SMG1: variants seen among roughly 807,000 people sequenced by gnomAD.
The protein encoded by SMG1 is serine/threonine-protein kinase SMG1.
SMG1 carries 22 observed loss-of-function variants against 419.9 expected under a neutral mutation model. The ratio of observed to expected loss-of-function variants is 0.05; its 90% CI spans 0.04 to 0.07. The LOEUF (loss-of-function observed/expected upper bound fraction) is 0.07. Ranked by LOEUF, SMG1 falls within the 10% of genes least tolerant of loss-of-function variation. The pLI is 1.00. For missense variants in SMG1, 3,185 were observed against 4,342.0 expected (o/e 0.73, Z 7.49); for synonymous variants, 1,538 against 1,553.5 (o/e 0.99, Z 0.23).
intron 55 of SMG1, among the ~76,000 whole-genome samples, chr16:18,820,140 A>T (rs1348001213): frequency 6.6e-6 from 1 of 151,988 alleles, no homozygotes; most frequent in Non-Finnish European, 1.5e-5. Context: ...TAATTTTTGT[A>T]GTTTTAGTAA....
chr16:18,875,592 CAAA>C (rs34136187), intron 13 of SMG1: 15 of 127,506 alleles, frequency 1.2e-4, no homozygotes, highest in Non-Finnish European at 1.9e-4. Context: ...ACCCCATCTC[CAAA>C]AAAAAAAAAA....
chr16:18,830,011 C>T lies in SMG1; in HGVS notation c.9048G>A (p.Val3016=). The T allele has an allele frequency of 6.3e-7, 1 of 1,594,248 alleles. No individual in the cohort carries two copies. Among genetic ancestry groups the T allele is most frequent in the East Asian group, 2.2e-5 (1 of 44,482 alleles). Residue 3016 remains valine (V), a synonymous_variant, in exon 53 of 63, where the codon GTG becomes GTA. Transcript: ENST00000446231. Reference sequence around the variant, plus strand: ...TTTTTAGAAAGAAAATCTCTTCTAGCACCTGCCGGTGATTATCATCATCAA... The same window carrying T: ...TTTTTAGAAAGAAAATCTCTTCTAGTACCTGCCGGTGATTATCATCATCAA... ...NFFDDDNHRQ[V]LEEIFFLKRL... is the part of the protein sequence containing the mutation.
chr16:18,875,262 G>C (rs189824398), intron 13 of SMG1: 1 of 152,742 alleles, frequency 6.5e-6, no homozygotes, highest in African/African-American at 2.4e-5. Flanking sequence ...AGGATTTTCA[G>C]ATTAGGGATG....
At position 18,836,083 on chromosome 16, in the gene SMG1, C is replaced by T. The variant is rs1369542180; in HGVS notation, c.7907G>A (p.Gly2636Asp). 1 of 1,608,060 alleles carries T rather than the reference C, an allele frequency of 6.2e-7. No homozygotes were observed. Among genetic ancestry groups the T allele is most frequent in the Non-Finnish European group, 8.5e-7 (1 of 1,177,304 alleles). ...LLQQRRSVLR[G>D]CLEQLHHYAT... ...ATAGTGATGCAGTTGCTCCAGACAGCCACGGAGCACGGAGCGCCTCTGCTG... is the reference window on the plus strand; with the variant it reads ...ATAGTGATGCAGTTGCTCCAGACAGTCACGGAGCACGGAGCGCCTCTGCTG... The change falls in exon 48 of 63, where the codon GGC becomes GAC. Residue 2636 changes from glycine to aspartate, a missense_variant. Around this residue, in one of 27 missense-constraint regions of SMG1, gnomAD observed 412 missense variants for 546.6 expected, o/e 0.75. Transcript: ENST00000446231.
chr16:18,917,585 ATTTT>A (rs954446423), intron 1 of SMG1, among the ~76,000 whole-genome samples: 2 of 145,400 alleles, frequency 1.4e-5, no homozygotes, highest in Admixed American at 1.4e-4. Context: ...CACACACTCC[ATTTT>A]TTTTTCAGAT....
chr16:18,818,915 C>A (rs766971723), intron 56 of SMG1, among the ~76,000 whole-genome samples: 2 of 149,292 alleles, frequency 1.3e-5, no homozygotes, highest in Non-Finnish European at 3.0e-5. Flanking sequence ...CTCCCAGGTT[C>A]AAGCGATTCC....
intron 25 of SMG1, among the ~76,000 whole-genome samples, chr16:18,862,760 A>G (rs1273420150): frequency 6.6e-6 from 1 of 152,172 alleles, no homozygotes; most frequent in Non-Finnish European, 1.5e-5. Flanking sequence ...AATAACAGCC[A>G]AAGTTCTTTT....
intron 10 of SMG1, among the ~76,000 whole-genome samples, 184 bp from the exon 11 acceptor site, chr16:18,879,903 G>C (rs979995796): frequency 6.6e-6 from 1 of 152,202 alleles, no homozygotes; most frequent in African/African-American, 2.4e-5. Context: ...ATGTAAACAT[G>C]ATCTTGGCTA....
chr16:18,873,525 C>A (rs961802772), intron 13 of SMG1, among the ~76,000 whole-genome samples: 1 of 152,172 alleles, frequency 6.6e-6, no homozygotes, highest in Non-Finnish European at 1.5e-5. Flanking sequence ...CCAACGAGAA[C>A]TTTCTTTACA....
intron 6 of SMG1, among the ~76,000 whole-genome samples, chr16:18,885,975 A>G (rs2036595876): frequency 6.6e-6 from 1 of 152,054 alleles, no homozygotes; most frequent in African/African-American, 2.4e-5. Context: ...AAATAAATAA[A>G]ATAAATTGAA....
At chr16:18,870,225 T>C (rs988806478) in intron 18 of SMG1, among the ~76,000 whole-genome samples, 1 of 152,184 alleles carries the variant, frequency 6.6e-6, no homozygotes, top group African/African-American at 2.4e-5. Context: ...ATCAAACATG[T>C]GAAAATAAAA....
chr16:18,905,615 ATT>A (rs35576204), intron 1 of SMG1, among the ~76,000 whole-genome samples: 7 of 135,258 alleles, frequency 5.2e-5, no homozygotes, highest in Admixed American at 7.3e-5. Context: ...TCTTCATTTC[ATT>A]TTTTTTTTTT....
intron 39 of SMG1, among the ~76,000 whole-genome samples, chr16:18,842,923 G>T (rs1237579316): frequency 1.3e-5 from 2 of 152,192 alleles, no homozygotes; most frequent in Non-Finnish European, 2.9e-5. Flanking sequence ...GGGCCATCCT[G>T]GATGGGTTAA....
intron 46 of SMG1, 130 bp from the exon 47 acceptor site, chr16:18,836,662 A>G: frequency 1.1e-6 from 1 of 871,304 alleles, no homozygotes; most frequent in Admixed American, 2.7e-5. Context: ...GCCCTCCTCA[A>G]ATGTCCCTTA....
chr16:18,925,918 G>T (rs1258682207), intron 1 of SMG1, 32 bp downstream of exon 1: 2 of 1,484,876 alleles, frequency 1.3e-6, no homozygotes, highest in Non-Finnish European at 9.0e-7. Context: ...GAGCCCGGGA[G>T]GTCGGGGCGG....
chr16:18,814,849 A>T (rs539041510), intron 60 of SMG1, among the ~76,000 whole-genome samples: 107 of 140,686 alleles, frequency 7.6e-4, no homozygotes, highest in Middle Eastern at 3.8e-3. Context: ...AAGTGCTGGG[A>T]TTATGGGTGT....
intron 39 of SMG1, among the ~76,000 whole-genome samples, chr16:18,845,093 T>C (rs1049873986): frequency 6.6e-6 from 1 of 152,220 alleles, no homozygotes. Flanking sequence ...AAATTTCTTA[T>C]CTTTAATGAG....
chr16:18,894,199 A>G (rs2037013544), intron 3 of SMG1, among the ~76,000 whole-genome samples: 1 of 152,186 alleles, frequency 6.6e-6, no homozygotes, highest in Non-Finnish European at 1.5e-5. Flanking sequence ...TACCTGGGTG[A>G]TAAAATAATC....
At chr16:18,925,078 CTG>C (rs1309231666) in intron 1 of SMG1, 22 of 152,158 alleles carry the variant, frequency 1.4e-4, no homozygotes, top group Non-Finnish European at 2.9e-4. Flanking sequence ...CAAACAGACT[CTG>C]AATACAAGCA....
Sources: allele counts gnomAD v4.1 joint callset (sites outside exome capture counted in the v4.1 genomes callset), GRCh38; gene constraint gnomAD v4.1.1; regional missense constraint gnomAD v4.1.1; transcripts MANE v1.5; gene names NCBI Gene and HGNC (gene_info 2026-07-23, HGNC 2026-07-21).